Variants in ZNF423 observed in about 807,000 individuals in gnomAD.
The protein encoded by ZNF423 is Ebf-associated zinc finger protein.
A neutral mutation model predicts 95.8 loss-of-function variants in ZNF423; 12 were observed. That is an observed-to-expected ratio of 0.13 (90% CI 0.08 to 0.20). The LOEUF (loss-of-function observed/expected upper bound fraction) is 0.20, where lower values mean the gene tolerates loss of function less well. Among genes scored for constraint, ZNF423 ranks in the 10% least tolerant of loss-of-function variants. The probability of loss-of-function intolerance (pLI) is 1.00; values close to 1 mark genes in which losing one functional copy is unlikely to be tolerated. For missense variants in ZNF423, 1,316 were observed against 1,737.1 expected (o/e 0.76, Z 4.31); for synonymous variants, 749 against 711.9 (o/e 1.05, Z -0.83).
At chr16:49,738,248 A>C (rs935954659) in intron 2 of ZNF423, among the ~76,000 whole-genome samples, 1 of 152,214 alleles carries the variant, frequency 6.6e-6, no homozygotes, top group Non-Finnish European at 1.5e-5. Context: ...GGCACAGAAA[A>C]GATGCTTAAT....
intron 2 of ZNF423, among the ~76,000 whole-genome samples, chr16:49,743,952 G>T (rs763282539): frequency 3.3e-5 from 5 of 152,124 alleles, no homozygotes. Context: ...CCCACCCCAG[G>T]AGGAGTACAC....
chr16:49,799,146 G>A (rs907493391), intron 1 of ZNF423, among the ~76,000 whole-genome samples: 23 of 152,064 alleles, frequency 1.5e-4, no homozygotes, highest in Admixed American at 3.9e-4. Flanking sequence ...CCAGAGACTC[G>A]ATCCACCCTG....
chr16:49,630,821 C>A (rs902723467), intron 4 of ZNF423, among the ~76,000 whole-genome samples: 1 of 152,132 alleles, frequency 6.6e-6, no homozygotes, highest in Non-Finnish European at 1.5e-5. Context: ...AAGAACACTG[C>A]CCAATAACTG....
intron 2 of ZNF423, among the ~76,000 whole-genome samples, chr16:49,741,967 C>A (rs2033422862): frequency 6.6e-6 from 1 of 152,228 alleles, no homozygotes; most frequent in Non-Finnish European, 1.5e-5. Flanking sequence ...AGGCGCTGGT[C>A]AGCAGTGAGC....
chr16:49,707,289 A>T (rs1031534837), intron 3 of ZNF423, among the ~76,000 whole-genome samples: 1 of 152,122 alleles, frequency 6.6e-6, no homozygotes, highest in Non-Finnish European at 1.5e-5. Flanking sequence ...TCTCAGACCC[A>T]GGGTCAAGAT....
chr16:49,655,046 G>C (rs1277352842), intron 3 of ZNF423, among the ~76,000 whole-genome samples: 1 of 152,200 alleles, frequency 6.6e-6, no homozygotes. Flanking sequence ...CATAGCATCA[G>C]TGATACTCAA....
intron 4 of ZNF423, among the ~76,000 whole-genome samples, chr16:49,630,409 G>A (rs1596745990): frequency 6.6e-6 from 1 of 152,230 alleles, no homozygotes; most frequent in South Asian, 2.1e-4. Flanking sequence ...ATGAATGAAC[G>A]AATGAATGGA....
chr16:49,554,170 C>G (rs1009380923), intron 5 of ZNF423, among the ~76,000 whole-genome samples: 2 of 152,164 alleles, frequency 1.3e-5, no homozygotes, highest in East Asian at 3.9e-4. Flanking sequence ...TTTACAGACC[C>G]CACACCTGAG....
At chr16:49,773,943 T>C (rs1196326351) in intron 2 of ZNF423, among the ~76,000 whole-genome samples, 1 of 152,206 alleles carries the variant, frequency 6.6e-6, no homozygotes, top group Non-Finnish European at 1.5e-5. Context: ...ACCAACTGGC[T>C]GGCCCCAAGT....
chr16:49,515,004 C>A (rs550681919), intron 7 of ZNF423, among the ~76,000 whole-genome samples: 3 of 152,380 alleles, frequency 2.0e-5, no homozygotes, highest in African/African-American at 7.2e-5. Flanking sequence ...GTTCTATTCC[C>A]CCATGACAGG....
At chr16:49,525,325 A>T (rs1968560158) in intron 6 of ZNF423, 38 bp downstream of exon 6, 4 of 1,610,430 alleles carry the variant, frequency 2.5e-6, no homozygotes, top group East Asian at 2.2e-5. Context: ...TCCTGTGTTC[A>T]TCTCTCTCCC....
At chr16:49,744,291 C>T (rs969911150) in intron 2 of ZNF423, among the ~76,000 whole-genome samples, 11 of 152,256 alleles carry the variant, frequency 7.2e-5, no homozygotes, top group African/African-American at 1.9e-4. Context: ...CACAGAGGTC[C>T]GAGAAGCCTC....
intron 4 of ZNF423, 33 bp from the exon 5 acceptor site, chr16:49,626,287 A>C: frequency 6.2e-7 from 1 of 1,607,656 alleles, no homozygotes; most frequent in Non-Finnish European, 8.5e-7. Flanking sequence ...AGATTTAGAG[A>C]GGCAGGAGGT....
Position 49,819,916 on chromosome 16 carries a change from G to C in ZNF423, c.41-30370C>G, listed in dbSNP as rs572956502. Among the ~76,000 whole-genome samples the C allele has an allele frequency of 2.0e-5, 3 of 152,162 alleles. No individual in the cohort carries two copies. The South Asian group carries it at 6.2e-4, about 32-fold the overall frequency. ...ATAAAATAGGCTTTGTGTTAGATTA[G>C]TTTGCCCAACTGTAGGCTAATGTAG... On this transcript the variant is annotated intron_variant, in intron 1 of 7. Coordinates refer to ENST00000563137, the MANE Select transcript of ZNF423 (RefSeq NM_001379286.1).
intron 7 of ZNF423, among the ~76,000 whole-genome samples, chr16:49,494,893 C>T (rs1390237918): frequency 6.6e-6 from 1 of 152,208 alleles, no homozygotes; most frequent in Admixed American, 6.5e-5. Flanking sequence ...GAGTTCTTTC[C>T]ATCCAGCATA....
intron 2 of ZNF423, among the ~76,000 whole-genome samples, chr16:49,764,039 G>A (rs771595955): frequency 3.3e-5 from 5 of 152,246 alleles, no homozygotes; most frequent in Non-Finnish European, 5.9e-5. Flanking sequence ...GAAAGGGGCT[G>A]TGTCTGTGAG....
intron 2 of ZNF423, among the ~76,000 whole-genome samples, chr16:49,783,496 A>G (rs571034499): frequency 1.0e-5 from 1 of 99,330 alleles, no homozygotes; most frequent in East Asian, 3.4e-4. Flanking sequence ...TAGGGTTAGT[A>G]GCAGGCTGGG....
chr16:49,818,390 TGTGA>T (rs888829831), intron 1 of ZNF423, among the ~76,000 whole-genome samples: 1 of 152,050 alleles, frequency 6.6e-6, no homozygotes, highest in African/African-American at 2.4e-5. Context: ...ACTACCCTCA[TGTGA>T]GTATTTAAAT....
chr16:49,858,768 C>T (rs1482907029), upstream of ZNF423, among the ~76,000 whole-genome samples: 4 of 151,260 alleles, frequency 2.6e-5, no homozygotes, highest in Non-Finnish European at 4.4e-5. This position sits in a 1 kb window ranked among gnomAD's most constrained non-coding sequence, Gnocchi z 4.3. Flanking sequence ...TTGGGCTGAA[C>T]CGGGGGTGCC....
Sources: gnomAD v4.1 joint callset for allele counts (sites outside exome capture counted in the v4.1 genomes callset) on GRCh38, gnomAD v4.1.1 for gene constraint, Gnocchi (gnomAD v3.1) non-coding constraint, MANE v1.5 for transcripts, NCBI Gene and HGNC (gene_info 2026-07-23, HGNC 2026-07-21) for gene names.